Variants in FUT8 observed in about 807,000 individuals in gnomAD.
The protein encoded by FUT8 is fucosyltransferase 8.
FUT8 carries 29 observed loss-of-function variants against 71.3 expected under a neutral mutation model. The ratio of observed to expected loss-of-function variants is 0.41; its 90% CI spans 0.30 to 0.55. The LOEUF is 0.55. Ranked by LOEUF, FUT8 falls within the 20% of genes least tolerant of loss-of-function variation. FUT8 has a pLI of 0.34. For synonymous variants in FUT8, 254 were observed against 239.3 expected (o/e 1.06, Z -0.57); for missense variants, 544 against 702.1 (o/e 0.77, Z 2.55).
chr14:65,519,123 A>C (rs1394848052), intron 2 of FUT8, among the ~76,000 whole-genome samples: 9 of 152,144 alleles, frequency 5.9e-5, no homozygotes, highest in Non-Finnish European at 1.3e-4. Flanking sequence ...TGAATACATG[A>C]AGGTCTGTTT....
chr14:65,450,368 T>C (rs963007075), intron 1 of FUT8, among the ~76,000 whole-genome samples: 1 of 152,198 alleles, frequency 6.6e-6, no homozygotes, highest in Non-Finnish European at 1.5e-5. Flanking sequence ...TAACTTAAGA[T>C]GTTTATTTAG....
At chr14:65,650,707 C>CAAAAAAAAAAAAAAAA (rs57971519) in intron 6 of FUT8, among the ~76,000 whole-genome samples, 4 of 118,966 alleles carry the variant, frequency 3.4e-5, no homozygotes, top group African/African-American at 1.4e-4. Context: ...CTGCTAATTA[C>CAAAAAAAAAAAAAAAA]AAAAAAAAAA....
intron 7 of FUT8, among the ~76,000 whole-genome samples, chr14:65,679,933 A>G (rs1003779528): frequency 2.0e-5 from 3 of 152,164 alleles, no homozygotes; most frequent in Non-Finnish European, 2.9e-5. Context: ...TGTGTTGTCT[A>G]TGGCTGCTTT....
intron 9 of FUT8, among the ~76,000 whole-genome samples, chr14:65,728,639 C>T (rs2139373495): frequency 6.6e-6 from 1 of 152,200 alleles, no homozygotes; most frequent in Non-Finnish European, 1.5e-5. Context: ...ATGGTAGTCC[C>T]ATAGATTATA....
At chr14:65,459,959 C>T (rs780311048) in intron 2 of FUT8, among the ~76,000 whole-genome samples, 4 of 152,114 alleles carry the variant, frequency 2.6e-5, no homozygotes, top group Non-Finnish European at 5.9e-5. Flanking sequence ...AGGATCCAAA[C>T]ATATAAGTAT....
intron 2 of FUT8, among the ~76,000 whole-genome samples, chr14:65,469,584 G>A (rs2066104476): frequency 6.6e-6 from 1 of 152,220 alleles, no homozygotes; most frequent in African/African-American, 2.4e-5. Context: ...AAGACAAAGA[G>A]AAGCTTTACT....
At chr14:65,552,720 T>C (rs1453053244) in intron 2 of FUT8, among the ~76,000 whole-genome samples, 1 of 152,188 alleles carries the variant, frequency 6.6e-6, no homozygotes, top group African/African-American at 2.4e-5. Context: ...AAGAACTTTC[T>C]CTTCTCTGTT....
In FUT8 at chr14:65,742,073, C is replaced by G. The variant is rs770727876; in HGVS notation, c.1411-20C>G. On this transcript the variant is annotated intron_variant, in intron 10 of 10. Coordinates refer to ENST00000673929, the MANE Select transcript of FUT8 (RefSeq NM_001371533.1). ...GAGAGTGTTTATATACTAACAATTT[C>G]TTTTAAATTCTTTCCCAAGGTCTGT... 1.3e-6 allele frequency: 2 copies of G among 1,599,044 alleles called. No homozygotes were observed. The highest frequency in any genetic ancestry group is 3.4e-5 in the Admixed American group (2 of 58,954).
At position 65,638,459 on chromosome 14, in the gene FUT8, GA is replaced by G. The variant is rs1226085989; in HGVS notation, c.597+8859del. On this transcript the variant is annotated intron_variant, in intron 6 of 10. Transcript: ENST00000673929. The surrounding 1 kb of genome is among the most constrained non-coding windows in gnomAD (Gnocchi z 4.5). Reference sequence around the variant, plus strand: ...TCTTTTTTTTTTGAGAGAAAGAGAGGAAAAAAGGTGTGAAAATGGAAAACAA... The same window carrying G: ...TCTTTTTTTTTTGAGAGAAAGAGAGGAAAAAGGTGTGAAAATGGAAAACAA... 4.6e-5 allele frequency among the ~76,000 whole-genome samples: 7 copies of G among 151,846 alleles called. No homozygotes were observed. Among genetic ancestry groups the G allele is most frequent in the Non-Finnish European group, 1.0e-4 (7 of 67,934 alleles).
chr14:65,416,640 T>C (rs1474650691), intron 1 of FUT8, among the ~76,000 whole-genome samples: 2 of 152,152 alleles, frequency 1.3e-5, no homozygotes, highest in African/African-American at 4.8e-5. Context: ...CAGCTTGTTA[T>C]AGTGAAACAA....
intron 3 of FUT8, among the ~76,000 whole-genome samples, chr14:65,573,493 A>G (rs1886595673): frequency 6.6e-6 from 1 of 152,124 alleles, no homozygotes; most frequent in South Asian, 2.1e-4. Flanking sequence ...AAAAGTATAA[A>G]CCATTAATAT....
the FUT8 span, among the ~76,000 whole-genome samples, chr14:65,364,834 A>T: frequency 1.3e-5 from 2 of 152,058 alleles, no homozygotes; most frequent in Admixed American, 6.6e-5. Flanking sequence ...TGCATCTTTA[A>T]TGATCCCATT....
chr14:65,703,957 A>G (rs1666751183), intron 7 of FUT8, among the ~76,000 whole-genome samples: 1 of 152,210 alleles, frequency 6.6e-6, no homozygotes. Context: ...GCTTCCTTTA[A>G]CATGACTCTG....
At chr14:65,741,973 T>A in intron 10 of FUT8, 120 bp from the exon 11 acceptor site, 1 of 709,084 alleles carries the variant, frequency 1.4e-6, no homozygotes, top group South Asian at 1.9e-5. Context: ...AGCTTGTGAC[T>A]AGAATCCACT....
chr14:65,392,949 A>G, the FUT8 span, among the ~76,000 whole-genome samples: 1 of 152,210 alleles, frequency 6.6e-6, no homozygotes, highest in Admixed American at 6.5e-5. Flanking sequence ...CTGAAAAATG[A>G]TTCGCTGTTT....
intron 2 of FUT8, among the ~76,000 whole-genome samples, chr14:65,506,288 TAAG>T (rs1378693622): frequency 6.6e-6 from 1 of 152,202 alleles, no homozygotes; most frequent in African/African-American, 2.4e-5. Context: ...TAAAAAGTAA[TAAG>T]CCATTTTTCA....
chr14:65,730,163 C>T (rs1895902635), intron 9 of FUT8, among the ~76,000 whole-genome samples: 1 of 152,140 alleles, frequency 6.6e-6, no homozygotes, highest in Admixed American at 6.5e-5. Context: ...GACTTTTCTG[C>T]TTCAAGAGGG....
chr14:65,421,012 G>A (rs1297851901), intron 1 of FUT8, among the ~76,000 whole-genome samples: 1 of 152,046 alleles, frequency 6.6e-6, no homozygotes, highest in Non-Finnish European at 1.5e-5. Context: ...GGCCAACATG[G>A]TGAAACTCCA....
chr14:65,366,523 T>G, the FUT8 span, among the ~76,000 whole-genome samples: 1 of 152,212 alleles, frequency 6.6e-6, no homozygotes, highest in Admixed American at 6.5e-5. Flanking sequence ...TGCTAGGATA[T>G]GTACCCAACA....
Sources: allele counts gnomAD v4.1 joint callset (sites outside exome capture counted in the v4.1 genomes callset), GRCh38; gene constraint gnomAD v4.1.1; non-coding constraint Gnocchi (gnomAD v3.1); transcripts MANE v1.5; gene names NCBI Gene and HGNC (gene_info 2026-07-23, HGNC 2026-07-21).